The following MTHFD1 variants were observed in gnomAD, a reference collection of about 807,000 sequenced individuals.
MTHFD1 encodes the protein C-1-tetrahydrofolate synthase, cytoplasmic.
MTHFD1 carries 44 observed loss-of-function variants against 110.3 expected under a neutral mutation model. The ratio of observed to expected loss-of-function variants is 0.40; its 90% CI spans 0.31 to 0.51. The LOEUF is 0.51. Ranked by LOEUF, MTHFD1 falls within the 20% of genes least tolerant of loss-of-function variation. The pLI is 0.60. For missense variants in MTHFD1, 909 were observed against 1,173.1 expected, an observed-to-expected ratio of 0.77 and a Z score of 3.29; for synonymous variants, 402 against 428.8, an observed-to-expected ratio of 0.94 and a Z score of 0.77.
intron 8 of MTHFD1, among the ~76,000 whole-genome samples, chr14:64,423,477 C>T (rs1214337377): frequency 6.6e-6 from 1 of 151,648 alleles, no homozygotes; most frequent in Non-Finnish European, 1.5e-5. Flanking sequence ...TCACTGCAGC[C>T]TCCGCCTCCC....
intron 15 of MTHFD1, among the ~76,000 whole-genome samples, chr14:64,433,120 G>T (rs2078173615): frequency 6.6e-6 from 1 of 151,736 alleles, no homozygotes; most frequent in Admixed American, 6.6e-5. Context: ...TTTATTGGTT[G>T]GTTGTTTGTT....
chr14:64,402,110 C>T (rs1309976262), intron 2 of MTHFD1, among the ~76,000 whole-genome samples: 1 of 152,208 alleles, frequency 6.6e-6, no homozygotes, highest in Non-Finnish European at 1.5e-5. Flanking sequence ...AATGTAGAAT[C>T]TGAAACTCTA....
chr14:64,431,742 G>C, intron 14 of MTHFD1, 45 bp from the exon 15 acceptor site: 1 of 1,598,720 alleles, frequency 6.3e-7, no homozygotes, highest in Non-Finnish European at 8.6e-7. Flanking sequence ...AGGTAGCAAA[G>C]CAGTGGGGCT....
At chr14:64,425,662 A>G in intron 9 of MTHFD1, 68 bp from the exon 10 acceptor site, 1 of 1,271,346 alleles carries the variant, frequency 7.9e-7, no homozygotes, top group South Asian at 1.2e-5. Context: ...AGTGACCTGG[A>G]GCTTGAAACT....
intron 23 of MTHFD1, chr14:64,449,211 T>C (rs1193306492): frequency 3.4e-6 from 2 of 588,568 alleles, no homozygotes; most frequent in Non-Finnish European, 6.1e-6. Context: ...ATGAAATAAG[T>C]GCTGTGATTA....
Position 64,393,136 on chromosome 14 carries a change from A to T in MTHFD1, c.41+4668A>T, listed in dbSNP as rs934684387. ...TTGTCTGGGCAGGGCGTGGTGGCTC[A>T]TGCCTGTAATCCTAGGACTTTGGGA... On this transcript the variant is annotated intron_variant, in intron 1 of 27. Coordinates refer to ENST00000652337, the MANE Select transcript of MTHFD1 (RefSeq NM_005956.4). 2.0e-5 allele frequency among the ~76,000 whole-genome samples: 3 copies of T among 152,354 alleles called. No individual in the cohort carries two copies. The South Asian group carries it at 6.2e-4, about 32-fold the overall frequency.
chr14:64,425,620 G>A (rs1156228740), intron 9 of MTHFD1, 110 bp from the exon 10 acceptor site: 4 of 894,778 alleles, frequency 4.5e-6, no homozygotes, highest in East Asian at 4.8e-5. Flanking sequence ...TAATAAGTGG[G>A]TCTGAAGCAG....
chr14:64,395,361 A>G (rs2077839166), intron 1 of MTHFD1, among the ~76,000 whole-genome samples: 1 of 152,230 alleles, frequency 6.6e-6, no homozygotes, highest in Admixed American at 6.5e-5. Flanking sequence ...GCAATACTGT[A>G]CTGTCTATCT....
chr14:64,403,761 G>GTC (rs2077917256), intron 2 of MTHFD1, among the ~76,000 whole-genome samples: 1 of 152,044 alleles, frequency 6.6e-6, no homozygotes, highest in African/African-American at 2.4e-5. Context: ...GCCCAGGCTA[G>GTC]TCTCCAACTC....
At chr14:64,407,062 C>G (rs891420937) in intron 2 of MTHFD1, among the ~76,000 whole-genome samples, 4 of 151,974 alleles carry the variant, frequency 2.6e-5, no homozygotes, top group Non-Finnish European at 5.9e-5. Context: ...TGATCTGGCC[C>G]AAGTATATAT....
chr14:64,459,292 G>C (rs923414096), intron 27 of MTHFD1, among the ~76,000 whole-genome samples: 1 of 152,216 alleles, frequency 6.6e-6, no homozygotes, highest in Non-Finnish European at 1.5e-5. Context: ...TAGCGAAGGG[G>C]CATTCTGATA....
chr14:64,411,075 C>T lies in MTHFD1; in HGVS notation c.127-15C>T. 6.3e-7 allele frequency: 1 copy of T among 1,583,404 alleles called. No homozygotes were observed. The highest frequency in any genetic ancestry group is 8.7e-7 in the Non-Finnish European group (1 of 1,152,492). On this transcript the variant is annotated splice_polypyrimidine_tract_variant and intron_variant, in intron 2 of 27. Transcript: ENST00000652337. ...TTTCCCTAATCATCTGATTTGCATGCATTTATTATTCTAGGTTGGCAACAG... is the reference window on the plus strand; with the variant it reads ...TTTCCCTAATCATCTGATTTGCATGTATTTATTATTCTAGGTTGGCAACAG...
intron 18 of MTHFD1, chr14:64,440,972 A>G (rs962205423): frequency 3.6e-6 from 1 of 277,800 alleles, no homozygotes; most frequent in Non-Finnish European, 7.1e-6. Context: ...CGGGTGGATC[A>G]CAAGGTCAGG....
chr14:64,408,290 T>C (rs2077953819), intron 2 of MTHFD1, among the ~76,000 whole-genome samples: 1 of 150,210 alleles, frequency 6.7e-6, no homozygotes, highest in Non-Finnish European at 1.5e-5. Flanking sequence ...GCATTCTTTT[T>C]TTTTTTTTTT....
chr14:64,412,619 C>T (rs2077993279), intron 4 of MTHFD1, 94 bp downstream of exon 4: 1 of 841,420 alleles, frequency 1.2e-6, no homozygotes, highest in African/African-American at 1.8e-5. Context: ...ACACATTTAG[C>T]CAAGACCTCC....
At position 64,424,850 on chromosome 14, in the gene MTHFD1, C is replaced by T. The variant is rs780815394; in HGVS notation, c.774C>T (p.Tyr258=). The T allele has an allele frequency of 1.1e-5, 17 of 1,613,948 alleles. No homozygotes were observed. The highest frequency in any genetic ancestry group is 1.0e-4 in the Admixed American group (6 of 59,974). Residue 258 remains tyrosine (Y), a synonymous_variant, in exon 9 of 28, where the codon TAC becomes TAT. Transcript: ENST00000652337. The part of the protein sequence containing the change: ...NGRKVVGDVA[Y]DEAKERASFI... ...GAAAAGTTGTGGGTGATGTGGCATA[C>T]GACGAGGCCAAAGAGAGGGCGAGCT...
intron 16 of MTHFD1, among the ~76,000 whole-genome samples, chr14:64,438,811 A>G (rs559929287): frequency 3.9e-5 from 6 of 152,316 alleles, no homozygotes; most frequent in Non-Finnish European, 8.8e-5. Context: ...TATATGTGGA[A>G]TATGCTTTAA....
At position 64,427,476 on chromosome 14, in the gene MTHFD1, A is replaced by G; in HGVS notation, c.1264+3A>G. The G allele has an allele frequency of 6.2e-7, 1 of 1,614,092 alleles. No individual in the cohort carries two copies. The stretch of plus-strand genomic sequence containing the variant: ...GGGCCCCACCTTTGGAATAAAAGGT[A>G]CTAGTGAGACTGGACCATGGGTGGT... On this transcript the variant is annotated splice_donor_region_variant and intron_variant, in intron 12 of 27. Transcript: ENST00000652337.
intron 23 of MTHFD1, among the ~76,000 whole-genome samples, chr14:64,448,806 T>TA (rs1431046743): frequency 6.6e-6 from 1 of 151,404 alleles, no homozygotes; most frequent in African/African-American, 2.4e-5. Context: ...AAAAATCTTT[T>TA]TTTTTTTTTG....
Sources: gnomAD v4.1 joint callset for allele counts (sites outside exome capture counted in the v4.1 genomes callset) on GRCh38, gnomAD v4.1.1 for gene constraint, MANE v1.5 for transcripts, NCBI Gene and HGNC (gene_info 2026-07-23, HGNC 2026-07-21) for gene names.